Variants in DAB2IP observed in about 807,000 individuals in gnomAD.
The protein encoded by DAB2IP is disabled homolog 2-interacting protein.
Under a neutral mutation model 107.2 loss-of-function variants are expected in DAB2IP, and 28 were observed. The observed-to-expected ratio is 0.26, with a 90% confidence interval of 0.19 to 0.36. DAB2IP has a LOEUF of 0.36. Among genes scored for constraint, DAB2IP ranks in the 10% least tolerant of loss-of-function variants. The pLI is 1.00. For synonymous variants in DAB2IP, 755 were observed against 706.4 expected (o/e 1.07, Z -1.09); for missense variants, 1,400 against 1,644.7 (o/e 0.85, Z 2.57).
At chr9:121,680,861 G>GC (rs1208649682) in intron 2 of DAB2IP, among the ~76,000 whole-genome samples, 2 of 150,974 alleles carry the variant, frequency 1.3e-5, no homozygotes, top group Non-Finnish European at 2.9e-5. Context: ...TCCCACCTCA[G>GC]CCCCCCGAGT....
intron 3 of DAB2IP, among the ~76,000 whole-genome samples, chr9:121,749,928 C>T (rs1413723795): frequency 1.3e-5 from 2 of 152,178 alleles, no homozygotes; most frequent in East Asian, 1.9e-4. Flanking sequence ...TTGATAGCAG[C>T]GTGTGCATCG....
chr9:121,733,967 G>T (rs1453388622), intron 3 of DAB2IP, among the ~76,000 whole-genome samples: 1 of 152,244 alleles, frequency 6.6e-6, no homozygotes, highest in African/African-American at 2.4e-5. Context: ...GACTTGTTCT[G>T]TGGCCACAGG....
In DAB2IP at chr9:121,635,671, C is replaced by A. The variant is rs1832061701; in HGVS notation, c.41-43007C>A. On this transcript the variant is annotated intron_variant, in intron 1 of 16. Transcript: ENST00000259371. This position sits in a 1 kb window ranked among gnomAD's most constrained non-coding sequence, Gnocchi z 4.3. ...GAGGCCTTGGACAAGAAAGGATATC[C>A]AGAGCTAGAGAGGGTGGGGCTTGAG... Among the ~76,000 whole-genome samples the A allele has an allele frequency of 6.6e-6, 1 of 152,180 alleles. No homozygotes were observed. The highest frequency in any genetic ancestry group is 1.5e-5 in the Non-Finnish European group (1 of 68,042).
At chr9:121,607,945 A>AG (rs1040037742) in intron 1 of DAB2IP, among the ~76,000 whole-genome samples, 6 of 152,270 alleles carry the variant, frequency 3.9e-5, no homozygotes, top group Admixed American at 3.9e-4. Flanking sequence ...TAATGGAAGC[A>AG]GGCCCTGGCC....
At chr9:121,655,991 T>C (rs1832954478) in intron 1 of DAB2IP, among the ~76,000 whole-genome samples, 1 of 150,772 alleles carries the variant, frequency 6.6e-6, no homozygotes, top group South Asian at 2.1e-4. Context: ...GGGGGGTGGG[T>C]AACTTCTCAG....
rs550236383 is a variant in DAB2IP at position 121,710,530 on chromosome 9, C to G, written c.362+11072C>G. 1.3e-3 allele frequency among the ~76,000 whole-genome samples: 192 copies of G among 152,284 alleles called. 2 individuals are homozygous for G. The highest frequency in any genetic ancestry group is 2.0e-3 in the Non-Finnish European group (139 of 68,004). The stretch of plus-strand genomic sequence containing the variant: ...TTCTGGGCTCCCACACCTCTTTTCA[C>G]CTGGGCAGAGCTGATGAGCTGTGGC... On this transcript the variant is annotated intron_variant, in intron 3 of 15. Coordinates refer to ENST00000408936, the Ensembl canonical transcript of DAB2IP.
intron 2 of DAB2IP, among the ~76,000 whole-genome samples, chr9:121,680,962 T>C (rs1828565299): frequency 6.6e-6 from 1 of 151,982 alleles, no homozygotes; most frequent in South Asian, 2.1e-4. Context: ...AGGCTAGTCT[T>C]GAACTCCTGA....
At position 121,567,259 on chromosome 9, in the gene DAB2IP, G is replaced by A. The variant is rs189328616; in HGVS notation, c.40+31G>A. On this transcript the variant is annotated intron_variant, in intron 1 of 16. Coordinates refer to the DAB2IP transcript ENST00000259371. The stretch of plus-strand genomic sequence containing the variant: ...ACGGTGCCAGCAAAGTGCAGAGTTG[G>A]GGGTTTCAGCCTCTCTGCTCAACAG... The A allele has an allele frequency of 1.9e-6, 3 of 1,613,864 alleles. No homozygotes were observed. In the African/African-American group the frequency reaches 4.0e-5, roughly 22 times the overall value.
chr9:121,741,488 A>C (rs1476236610), intron 3 of DAB2IP, among the ~76,000 whole-genome samples: 4 of 152,046 alleles, frequency 2.6e-5, no homozygotes, highest in Admixed American at 2.6e-4. Flanking sequence ...CTCACCCAGC[A>C]GACTTGCTTA....
chr9:121,672,351 C>T (rs562494615), intron 1 of DAB2IP, among the ~76,000 whole-genome samples: 1 of 152,188 alleles, frequency 6.6e-6, no homozygotes, highest in Non-Finnish European at 1.5e-5. Context: ...GGCGATGCAA[C>T]CCGACAACTG....
chr9:121,737,700 C>T (rs1397614692), intron 3 of DAB2IP: 7 of 985,330 alleles, frequency 7.1e-6, no homozygotes, highest in South Asian at 4.7e-5. Flanking sequence ...GAGAGGCCTG[C>T]GCTCCCACCA....
rs978509298 is a variant in DAB2IP at position 121,772,630 on chromosome 9, C to T, written c.2102C>T (p.Pro701Leu). ...AGTCTGATAGATTTCACCCGGTTACCGTCTCCAACCCCCGAAAACAAGGAC... is the reference window on the plus strand; with the variant it reads ...AGTCTGATAGATTTCACCCGGTTACTGTCTCCAACCCCCGAAAACAAGGAC... The change falls in exon 12 of 16, where the codon CCG becomes CTG. Residue 701 changes from proline to leucine, a missense_variant. This residue lies in a region of DAB2IP where 517 missense variants were observed against 748.6 expected (regional missense o/e 0.69). Coordinates refer to ENST00000408936, the Ensembl canonical transcript of DAB2IP. The surrounding 1 kb of genome is among the most constrained non-coding windows in gnomAD (Gnocchi z 4.7). 6 of 1,613,590 alleles carry T rather than the reference C, an allele frequency of 3.7e-6. No individual in the cohort carries two copies. Among genetic ancestry groups the T allele is most frequent in the South Asian group, 2.2e-5 (2 of 91,014 alleles).
At chr9:121,651,308 C>G (rs1832727826), upstream of DAB2IP, among the ~76,000 whole-genome samples, 2 of 152,212 alleles carry the variant, frequency 1.3e-5, no homozygotes, top group South Asian at 4.1e-4. The surrounding 1 kb of genome is among the most constrained non-coding windows in gnomAD (Gnocchi z 5.1). Context: ...TGACCGTCCC[C>G]AAGCATGCGT....
rs533513131 is a variant in DAB2IP at position 121,691,251 on chromosome 9, A to T, written c.229-8074A>T. On this transcript the variant is annotated intron_variant, in intron 2 of 15. Transcript: ENST00000408936. ...TTTACAGTCCAGTATGGGGTGGGGGAGGCACTAAACAAACACACTTATAAT... is the reference window on the plus strand; with the variant it reads ...TTTACAGTCCAGTATGGGGTGGGGGTGGCACTAAACAAACACACTTATAAT... 1.4e-3 allele frequency among the ~76,000 whole-genome samples: 206 copies of T among 152,136 alleles called. 1 individual carries two copies. The highest frequency in any genetic ancestry group is 4.8e-3 in the African/African-American group (198 of 41,484).
At chr9:121,778,699 T>C (rs1246034191) in intron 14 of DAB2IP, among the ~76,000 whole-genome samples, 1 of 152,228 alleles carries the variant, frequency 6.6e-6, no homozygotes, top group Non-Finnish European at 1.5e-5. Flanking sequence ...ATGGTCTCTA[T>C]TGCAACTGTT....
At chr9:121,666,175 A>C (rs1329140419) in intron 1 of DAB2IP, among the ~76,000 whole-genome samples, 1 of 151,884 alleles carries the variant, frequency 6.6e-6, no homozygotes, top group East Asian at 1.9e-4. Context: ...TGTCACTCCC[A>C]CCTCTGCTTC....
rs1407303056 is a variant in DAB2IP, at chr9:121,772,133, A to T, written c.2079-474A>T. 1.3e-5 allele frequency among the ~76,000 whole-genome samples: 2 copies of T among 152,128 alleles called. No individual in the cohort carries two copies. The highest frequency in any genetic ancestry group is 2.9e-5 in the Non-Finnish European group (2 of 68,016). On this transcript the variant is annotated intron_variant, in intron 11 of 15. Coordinates refer to ENST00000408936, the Ensembl canonical transcript of DAB2IP. The surrounding 1 kb of genome is among the most constrained non-coding windows in gnomAD (Gnocchi z 4.7). The stretch of plus-strand genomic sequence containing the variant: ...CGGCAGCAGGAGGCTGGGCAAGAGG[A>T]GGTTTCACCGGGCCCCCACTTCAGT...
chr9:121,675,391 G>A (rs768865280), intron 1 of DAB2IP, among the ~76,000 whole-genome samples: 7 of 152,260 alleles, frequency 4.6e-5, no homozygotes, highest in South Asian at 2.1e-4. Context: ...AATGGCTTTC[G>A]GTGCCAAGGT....
intron 1 of DAB2IP, among the ~76,000 whole-genome samples, chr9:121,570,034 A>C (rs1009478811): frequency 1.3e-5 from 2 of 151,300 alleles, no homozygotes; most frequent in Non-Finnish European, 2.9e-5. Flanking sequence ...GGCTCAAGCA[A>C]TTCCAATGCC....
Sources: allele counts gnomAD v4.1 joint callset (sites outside exome capture counted in the v4.1 genomes callset), GRCh38; gene constraint gnomAD v4.1.1; regional missense constraint gnomAD v4.1.1; non-coding constraint Gnocchi (gnomAD v3.1); transcripts MANE v1.5; gene names NCBI Gene and HGNC (gene_info 2026-07-23, HGNC 2026-07-21).